Variants in SLC15A1 observed in about 807,000 individuals in gnomAD.
SLC15A1 encodes the protein Caco-2 oligopeptide transporter.
A neutral mutation model predicts 92.9 loss-of-function variants in SLC15A1; 83 were observed. The observed-to-expected ratio is 0.89, with a 90% CI of 0.75 to 1.07. The LOEUF (loss-of-function observed/expected upper bound fraction) is 1.07. Among genes scored for constraint, SLC15A1 ranks in the 50% least tolerant of loss-of-function variants. The probability of loss-of-function intolerance (pLI) is 0.00; values close to 1 mark genes in which losing one functional copy is unlikely to be tolerated. For missense variants in SLC15A1, 857 were observed against 880.1 expected, an observed-to-expected ratio of 0.97 and a Z score of 0.33; for synonymous variants, 322 against 318.2, an observed-to-expected ratio of 1.01 and a Z score of -0.13.
chr13:98,731,094 C>T (rs531260626), intron 1 of SLC15A1, among the ~76,000 whole-genome samples: 41 of 152,334 alleles, frequency 2.7e-4, no homozygotes, highest in Non-Finnish European at 4.9e-4. Context: ...CGGTTCCTTC[C>T]CCTCATCTTG....
chr13:98,733,369 G>C (rs772328039), intron 1 of SLC15A1, among the ~76,000 whole-genome samples: 11 of 152,150 alleles, frequency 7.2e-5, no homozygotes, highest in Admixed American at 1.3e-4. Flanking sequence ...TCAAATTCCT[G>C]CCACATTTTA....
chr13:98,706,476 A>G (rs2088113574), intron 15 of SLC15A1, among the ~76,000 whole-genome samples: 1 of 152,182 alleles, frequency 6.6e-6, no homozygotes, highest in Admixed American at 6.5e-5. Flanking sequence ...GTCCCCACCC[A>G]AATCTCATCT....
At chr13:98,705,910 A>T (rs2088109013) in intron 16 of SLC15A1, among the ~76,000 whole-genome samples, 1 of 151,448 alleles carries the variant, frequency 6.6e-6, no homozygotes, top group South Asian at 2.1e-4. Flanking sequence ...AAAAAAAAAA[A>T]AATTCTGCAT....
Position 98,705,202 on chromosome 13 carries a change from G to GAAAAAAA in SLC15A1, c.1270-774_1270-768dup, listed in dbSNP as rs33982897. 3.9e-5 allele frequency among the ~76,000 whole-genome samples: 5 copies of GAAAAAAA among 127,108 alleles called. 1 individual carries two copies. Among genetic ancestry groups the GAAAAAAA allele is most frequent in the Non-Finnish European group, 3.2e-5 (2 of 62,358 alleles). 83.4% of individuals were successfully genotyped at this position (127,108 alleles called of 152,430 possible). A position where few individuals can be genotyped will look rare whatever the true frequency, so the allele number is the denominator to read the frequency against. On this transcript the variant is annotated intron_variant, in intron 16 of 22. Transcript: ENST00000376503. ...CGACAGAGTGAGGCTCTGTATTTAAGAAAAAAAAAAAAAAAAAGGGATCTC... is the reference window on the plus strand; with the variant it reads ...CGACAGAGTGAGGCTCTGTATTTAAGAAAAAAAAAAAAAAAAAAAAAAAAGGGATCTC...
At chr13:98,728,998 AAAAAAAAACAAC>A (rs1566455636) in intron 1 of SLC15A1, among the ~76,000 whole-genome samples, 2 of 147,298 alleles carry the variant, frequency 1.4e-5, no homozygotes, top group Non-Finnish European at 3.0e-5. Context: ...AAAAAAAAAA[AAAAAAAAACAAC>A]AAGCCCCAAA....
intron 14 of SLC15A1, among the ~76,000 whole-genome samples, chr13:98,709,208 G>A (rs372590866): frequency 2.0e-5 from 3 of 152,080 alleles, no homozygotes; most frequent in East Asian, 3.9e-4. Flanking sequence ...ACCTCAAATG[G>A]TCTGCCTGCC....
chr13:98,694,224 T>C (rs2088004855), intron 18 of SLC15A1, among the ~76,000 whole-genome samples: 1 of 152,194 alleles, frequency 6.6e-6, no homozygotes, highest in African/African-American at 2.4e-5. Flanking sequence ...ATGACAGTCA[T>C]GAAAAACAAG....
At chr13:98,731,251 C>T (rs1741093206) in intron 1 of SLC15A1, among the ~76,000 whole-genome samples, 1 of 152,162 alleles carries the variant, frequency 6.6e-6, no homozygotes, top group Non-Finnish European at 1.5e-5. Context: ...GGTGAGGCAG[C>T]GCACCTGCTG....
At chr13:98,719,887 G>C (rs2088242108) in intron 7 of SLC15A1, among the ~76,000 whole-genome samples, 1 of 152,054 alleles carries the variant, frequency 6.6e-6, no homozygotes, top group African/African-American at 2.4e-5. Flanking sequence ...TCTGGATTCG[G>C]CCCATGGGCC....
At chr13:98,731,169 G>A (rs1166021444) in intron 1 of SLC15A1, among the ~76,000 whole-genome samples, 2 of 152,296 alleles carry the variant, frequency 1.3e-5, no homozygotes, top group Non-Finnish European at 2.9e-5. Context: ...TGTTGTGCCC[G>A]TCCACAGCGG....
Position 98,688,478 on chromosome 13 carries a change from A to G in SLC15A1, c.1566T>C (p.Pro522=), listed in dbSNP as rs754968265. 6.2e-7 allele frequency: 1 copy of G among 1,613,856 alleles called. No homozygotes were observed. Among genetic ancestry groups the G allele is most frequent in the Non-Finnish European group, 8.5e-7 (1 of 1,179,778 alleles). The change falls in exon 19 of 23, where the codon CCT becomes CCC. Residue 522 remains proline (P), a synonymous_variant. Coordinates refer to ENST00000376503, the MANE Select transcript of SLC15A1 (RefSeq NM_005073.4). Reference sequence around the variant, plus strand: ...TCAGTCTCGGTACTTACATGCCAGAAGGAAAAAACTGGTATGTGCTGGCAT... The same window carrying G: ...TCAGTCTCGGTACTTACATGCCAGAGGGAAAAAACTGGTATGTGCTGGCAT... The part of the protein sequence containing the change: ...SYNASTYQFF[P]SGIKGFTISS...
chr13:98,728,388 G>A (rs963242470), intron 1 of SLC15A1, among the ~76,000 whole-genome samples: 12 of 152,178 alleles, frequency 7.9e-5, no homozygotes, highest in Admixed American at 4.6e-4. Context: ...GAAAGTTGTC[G>A]TTGGATCTTG....
At chr13:98,708,873 A>T (rs1378174070) in intron 14 of SLC15A1, 106 bp from the exon 15 acceptor site, 1 of 666,896 alleles carries the variant, frequency 1.5e-6, no homozygotes, top group South Asian at 2.7e-5. Context: ...CCTTCCAAAA[A>T]CATGGGCTTG....
At chr13:98,737,671 T>A (rs1434048676) in intron 1 of SLC15A1, among the ~76,000 whole-genome samples, 3 of 152,144 alleles carry the variant, frequency 2.0e-5, no homozygotes, top group African/African-American at 7.2e-5. Flanking sequence ...GAGCCAATTA[T>A]ATCTCTTTTC....
chr13:98,702,240 G>C (rs925403355), intron 18 of SLC15A1, among the ~76,000 whole-genome samples: 3 of 152,150 alleles, frequency 2.0e-5, no homozygotes, highest in Non-Finnish European at 4.4e-5. Context: ...AATGGATGCT[G>C]AATTTTATCA....
Position 98,719,252 on chromosome 13 carries a change from TG to T in SLC15A1, c.624del (p.Met209TrpfsTer3). The stretch of plus-strand genomic sequence containing the variant: ...TTCCACTTACTCAGGGCTACAGCCA[TG>T]AGAGCAGCAGGAACCCCAAAGGCCA... ...YPLAFGVPAALMAVALIVFVL... is the reference protein window; with the variant it reads ...YPLAFGVPAAXMAVALIVFVL... On this transcript the variant is annotated frameshift_variant, in exon 8 of 23. Transcript: ENST00000376503. LOFTEE classifies it high-confidence loss of function. 1 of 1,613,394 alleles carries T rather than the reference TG, an allele frequency of 6.2e-7. No homozygotes were observed. The highest frequency in any genetic ancestry group is 2.2e-5 in the East Asian group (1 of 44,872).
Position 98,719,278 on chromosome 13 carries a change from A to G in SLC15A1, c.599T>C (p.Leu200Pro), listed in dbSNP as rs1202755760. 6.2e-7 allele frequency: 1 copy of G among 1,613,946 alleles called. No homozygotes were observed. ...GAGAGCAGCAGGAACCCCAAAGGCC[A>G]GTGGGTAACAAGCTTGTTTACTGTG... Reference protein sequence around the residue: ...GIHSKQACYPLAFGVPAALMA... With the variant: ...GIHSKQACYPPAFGVPAALMA... The change falls in exon 8 of 23, where the codon CTG becomes CCG. Residue 200 changes from leucine (L) to proline (P), a missense_variant. Physicochemically the swap from Leu to Pro is moderately conservative, Grantham distance 98. Transcript: ENST00000376503.
chr13:98,688,008 A>G (rs1414224854), intron 20 of SLC15A1, among the ~76,000 whole-genome samples: 2 of 152,240 alleles, frequency 1.3e-5, no homozygotes, highest in African/African-American at 4.8e-5. Flanking sequence ...ATAGTCTAGA[A>G]GGAGGCATCA....
chr13:98,690,994 ATATTG>A (rs1408108441), intron 18 of SLC15A1, among the ~76,000 whole-genome samples: 3 of 151,828 alleles, frequency 2.0e-5, no homozygotes, highest in African/African-American at 7.3e-5. Context: ...CCCTCTTAGC[ATATTG>A]TCTTTCACAT....
Sources: allele counts gnomAD v4.1 joint callset (sites outside exome capture counted in the v4.1 genomes callset), GRCh38; gene constraint gnomAD v4.1.1; transcripts MANE v1.5; gene names NCBI Gene and HGNC (gene_info 2026-07-23, HGNC 2026-07-21).